The following IKZF3 variants were observed in gnomAD, a reference collection of about 807,000 sequenced individuals.
IKZF3 encodes the protein zinc finger protein Aiolos.
A neutral mutation model predicts 49.0 loss-of-function variants in IKZF3; 10 were observed. The observed-to-expected ratio is 0.20, with a 90% CI of 0.13 to 0.35. The LOEUF (loss-of-function observed/expected upper bound fraction) is 0.35. IKZF3 is among the 10% of genes least tolerant of loss of function. The pLI is 1.00. For missense variants in IKZF3, 498 were observed against 664.8 expected, an observed-to-expected ratio of 0.75 and a Z score of 2.76; for synonymous variants, 209 against 228.2, an observed-to-expected ratio of 0.92 and a Z score of 0.76.
chr17:39,811,445 GAAGA>G (rs557734398), intron 3 of IKZF3, among the ~76,000 whole-genome samples: 104 of 150,560 alleles, frequency 6.9e-4, no homozygotes, highest in South Asian at 4.6e-3. Context: ...AGGAAGGAAG[GAAGA>G]AAGAAAGAAA....
At chr17:39,834,820 A>G (rs767695733) in intron 1 of IKZF3, among the ~76,000 whole-genome samples, 4 of 152,166 alleles carry the variant, frequency 2.6e-5, no homozygotes, top group Non-Finnish European at 5.9e-5. Flanking sequence ...CCCAGGCAGT[A>G]AACTCCCCAT....
chr17:39,822,861 C>T (rs886798289), intron 3 of IKZF3, among the ~76,000 whole-genome samples: 3 of 152,166 alleles, frequency 2.0e-5, no homozygotes, highest in African/African-American at 7.2e-5. Flanking sequence ...GGATTATAGG[C>T]ATGAGCCACC....
In IKZF3 at chr17:39,846,680, A is replaced by G. The variant is rs141829224; in HGVS notation, c.8-14529T>C. On this transcript the variant is annotated intron_variant, in intron 1 of 7. Transcript: ENST00000346872. ...GCTATGAAGAAAATCAAATATTTAC[A>G]TTAGCAACAAAAATGTACAATCATG... Among the ~76,000 whole-genome samples, 266 of 152,172 alleles carry G rather than the reference A, an allele frequency of 1.7e-3. 1 individual carries two copies. The highest frequency in any genetic ancestry group is 5.8e-3 in the African/African-American group (239 of 41,550).
At chr17:39,828,670 C>A (rs141336127) in intron 3 of IKZF3, among the ~76,000 whole-genome samples, 1 of 151,940 alleles carries the variant, frequency 6.6e-6, no homozygotes, top group African/African-American at 2.4e-5. Context: ...GTAACCTGTG[C>A]GGTCTACGCA....
intron 3 of IKZF3, among the ~76,000 whole-genome samples, chr17:39,793,448 T>C (rs2143899380): frequency 6.6e-6 from 1 of 152,350 alleles, no homozygotes; most frequent in African/African-American, 2.4e-5. Context: ...GCATTGCCTC[T>C]TCCCCTTCCA....
chr17:39,804,285 A>G (rs2061388184), intron 3 of IKZF3, among the ~76,000 whole-genome samples: 1 of 152,050 alleles, frequency 6.6e-6, no homozygotes, highest in Non-Finnish European at 1.5e-5. Flanking sequence ...TGTCTCTACT[A>G]AAAATACAAA....
intron 1 of IKZF3, chr17:39,836,028 C>T (rs62066988): frequency 0.3 from 189,642 of 632,526 alleles, 31,197 homozygotes; most frequent in Non-Finnish European, 0.35. Context: ...CTTCTGCTGC[C>T]GCAGGAGGCT....
rs2063300320 is a variant in IKZF3 at position 39,864,262 on chromosome 17, C to T, written c.-136G>A. 2.0e-6 allele frequency: 2 copies of T among 1,007,376 alleles called. No homozygotes were observed. The highest frequency in any genetic ancestry group is 2.6e-5 in the Admixed American group (1 of 38,254). 62.4% of individuals were successfully genotyped at this position (1,007,376 alleles called of 1,614,324 possible). A position where few individuals can be genotyped will look rare whatever the true frequency, so the allele number is the denominator to read the frequency against. Reference sequence around the variant, plus strand: ...AGTCCCCGGGATCCGGCAGCCGCGTCGGCGCAGACTGAAAAGGGCAGGAGC... The same window carrying T: ...AGTCCCCGGGATCCGGCAGCCGCGTTGGCGCAGACTGAAAAGGGCAGGAGC... On this transcript the variant is annotated 5_prime_UTR_variant, in exon 1 of 8. Transcript: ENST00000346872.
intron 1 of IKZF3, among the ~76,000 whole-genome samples, chr17:39,850,195 T>C (rs1173215077): frequency 3.0e-5 from 4 of 131,158 alleles, no homozygotes; most frequent in East Asian, 2.1e-4. Flanking sequence ...ATATTATGTA[T>C]GTATATATAC....
intron 1 of IKZF3, among the ~76,000 whole-genome samples, chr17:39,848,845 A>G (rs1488472897): frequency 6.6e-6 from 1 of 152,080 alleles, no homozygotes; most frequent in African/African-American, 2.4e-5. Flanking sequence ...ACACTCAGCT[A>G]ATTTTTAAAA....
intron 1 of IKZF3, among the ~76,000 whole-genome samples, chr17:39,833,161 G>A (rs542279297): frequency 3.9e-4 from 59 of 152,060 alleles, no homozygotes; most frequent in African/African-American, 1.3e-3. Context: ...CTTTTTCAAC[G>A]CATTGCAAAA....
chr17:39,788,042 T>C (rs1008138634), intron 6 of IKZF3, among the ~76,000 whole-genome samples: 3 of 152,228 alleles, frequency 2.0e-5, no homozygotes, highest in Admixed American at 6.5e-5. Context: ...CGTTGAAGCC[T>C]TCCCTGATTC....
chr17:39,819,155 A>G (rs898649521), intron 3 of IKZF3, among the ~76,000 whole-genome samples: 24 of 152,196 alleles, frequency 1.6e-4, no homozygotes, highest in Non-Finnish European at 2.4e-4. Flanking sequence ...TTGAATGGAA[A>G]TTATTGGTTT....
chr17:39,786,309 G>A (rs775178397), intron 6 of IKZF3, among the ~76,000 whole-genome samples: 6 of 152,168 alleles, frequency 3.9e-5, no homozygotes, highest in Non-Finnish European at 5.9e-5. Flanking sequence ...TTTTGGGCGA[G>A]TCTCAGTCTT....
At chr17:39,800,705 G>A (rs954636119) in intron 3 of IKZF3, among the ~76,000 whole-genome samples, 5 of 152,122 alleles carry the variant, frequency 3.3e-5, no homozygotes, top group Admixed American at 2.6e-4. Context: ...ACAAAGGTTT[G>A]GCTCACTGGG....
At chr17:39,801,190 G>C (rs1231612927) in intron 3 of IKZF3, among the ~76,000 whole-genome samples, 1 of 152,078 alleles carries the variant, frequency 6.6e-6, no homozygotes, top group African/African-American at 2.4e-5. Flanking sequence ...TACAAGGATC[G>C]GGGGTCATAA....
chr17:39,766,541 G>A (rs1453952975), intron 7 of IKZF3, 48 bp from the exon 8 acceptor site: 2 of 1,470,464 alleles, frequency 1.4e-6, no homozygotes, highest in African/African-American at 2.8e-5. Context: ...TGCCAAGGCA[G>A]AGAGTTTGTA....
intron 1 of IKZF3, among the ~76,000 whole-genome samples, chr17:39,840,829 G>A (rs2062444181): frequency 6.6e-6 from 1 of 152,146 alleles, no homozygotes; most frequent in Non-Finnish European, 1.5e-5. Flanking sequence ...GGCTGCTGGA[G>A]ACCAGCCAGC....
At position 39,791,552 on chromosome 17, in the gene IKZF3, C is replaced by T. The variant is rs2061021626; in HGVS notation, c.456G>A (p.Gly152=). ...GGTTACCTTTCTGAGTAAAAGATGC[C>T]CCACACTGATTACACTGGAATGGGC... ...GERPFQCNQC[G]ASFTQKGNLL... Residue 152 remains glycine (G), a synonymous_variant, in exon 5 of 8, where the codon GGG becomes GGA. Coordinates refer to ENST00000346872, the MANE Select transcript of IKZF3 (RefSeq NM_012481.5). 1.2e-6 allele frequency: 2 copies of T among 1,613,782 alleles called. No homozygotes were observed. Among genetic ancestry groups the T allele is most frequent in the Non-Finnish European group, 1.7e-6 (2 of 1,179,956 alleles).
Sources: gnomAD v4.1 joint callset for allele counts (sites outside exome capture counted in the v4.1 genomes callset) on GRCh38, gnomAD v4.1.1 for gene constraint, MANE v1.5 for transcripts, NCBI Gene and HGNC (gene_info 2026-07-23, HGNC 2026-07-21) for gene names.